Variants in DNMT1 observed in about 807,000 individuals in gnomAD.
The protein encoded by DNMT1 is DNA (cytosine-5)-methyltransferase 1.
In DNMT1, 24 loss-of-function variants were observed where a neutral mutation model predicts 205.3. That is an observed-to-expected ratio of 0.12 (90% CI 0.08 to 0.16). The LOEUF is 0.16. Among genes scored for constraint, DNMT1 ranks in the 10% least tolerant of loss-of-function variants. The pLI is 1.00. For missense variants in DNMT1, 1,293 were observed against 2,177.7 expected, an observed-to-expected ratio of 0.59 and a Z score of 8.09; for synonymous variants, 817 against 839.8, an observed-to-expected ratio of 0.97 and a Z score of 0.47.
At chr19:10,149,137 A>G in intron 26 of DNMT1, 120 bp from the exon 27 acceptor site, 1 of 1,353,504 alleles carries the variant, frequency 7.4e-7, no homozygotes, top group Non-Finnish European at 1.0e-6. Flanking sequence ...CAGCCTGGCC[A>G]ACATGGTGAA....
chr19:10,148,062 G>A (rs1287537089), intron 27 of DNMT1, among the ~76,000 whole-genome samples: 1 of 143,282 alleles, frequency 7.0e-6, no homozygotes, highest in African/African-American at 2.6e-5. Context: ...GTTGCGGTGG[G>A]CCAAGATTGA....
chr19:10,194,407 T>G, intron 1 of DNMT1: 1 of 153,522 alleles, frequency 6.5e-6, no homozygotes. Context: ...ACACCGGAAG[T>G]GGAGGCCGAA....
chr19:10,161,028 C>T (rs1046520088), intron 13 of DNMT1, among the ~76,000 whole-genome samples: 5 of 152,040 alleles, frequency 3.3e-5, no homozygotes, highest in African/African-American at 9.7e-5. Flanking sequence ...GGCACAGGGC[C>T]GGGCGCGATG....
In DNMT1 at chr19:10,141,209, A is replaced by C; in HGVS notation, c.3310-20T>G. On this transcript the variant is annotated intron_variant, in intron 30 of 40. Coordinates refer to ENST00000359526, the MANE Select transcript of DNMT1 (RefSeq NM_001130823.3). ...ATAGGCCTGAAAAGGAGAGAACTGC[A>C]ATCGTTTGGGAGAGAAACGCACTGT... The C allele has an allele frequency of 6.2e-7, 1 of 1,613,250 alleles. No individual in the cohort carries two copies. The highest frequency in any genetic ancestry group is 1.1e-5 in the South Asian group (1 of 91,058).
At chr19:10,162,636 AAAAAG>A (rs749752946) in intron 13 of DNMT1, 26 bp downstream of exon 13, 13 of 1,572,256 alleles carry the variant, frequency 8.3e-6, no homozygotes, top group African/African-American at 4.1e-5. Context: ...AAAAAAAAAA[AAAAAG>A]AAAGAAAGAA....
chr19:10,176,280 G>T (rs2038937165), intron 6 of DNMT1, among the ~76,000 whole-genome samples: 1 of 152,190 alleles, frequency 6.6e-6, no homozygotes, highest in Non-Finnish European at 1.5e-5. Context: ...ACACCACAAG[G>T]ATGCAATCGG....
chr19:10,148,476 A>G (rs1330454460), intron 27 of DNMT1, among the ~76,000 whole-genome samples: 2 of 150,500 alleles, frequency 1.3e-5, no homozygotes, highest in African/African-American at 2.4e-5. Flanking sequence ...AGCCTGGGCA[A>G]CAGAGCGAGA....
chr19:10,138,029 CA>C lies in DNMT1; in HGVS notation c.4116-21del. 2 of 1,605,528 alleles carry C rather than the reference CA, an allele frequency of 1.2e-6. No homozygotes were observed. The highest frequency in any genetic ancestry group is 1.7e-6 in the Non-Finnish European group (2 of 1,176,238). ...CTCAACCTGCAACAGAGGAGGAGGT[CA>C]ACACCTCTGGAGATGCACGCAGCAG... On this transcript the variant is annotated intron_variant, in intron 35 of 40. Transcript: ENST00000359526. This position sits in a 1 kb window ranked among gnomAD's most constrained non-coding sequence, Gnocchi z 4.1.
At chr19:10,135,563 C>T (rs1213049000) in intron 39 of DNMT1, 173 bp downstream of exon 39, 9 of 689,396 alleles carry the variant, frequency 1.3e-5, no homozygotes, top group Middle Eastern at 7.7e-4. Flanking sequence ...CAGCCTGACT[C>T]GGATGTCTCA....
chr19:10,194,827 G>A lies in DNMT1; in HGVS notation c.73C>T (p.Arg25Cys), dbSNP rs1206120198. The change falls in exon 1 of 41, where the codon CGC becomes TGC. Residue 25 changes from arginine to cysteine, a missense_variant. Around this residue, in one of 13 missense-constraint regions of DNMT1, gnomAD observed 394 missense variants for 451.6 expected, o/e 0.87. Coordinates refer to ENST00000359526, the MANE Select transcript of DNMT1 (RefSeq NM_001130823.3). ...VPAISLPDDV[R>C]RRLKDLERDS... The stretch of plus-strand genomic sequence containing the variant: ...CCCCCCCATGGTACCTACCGCCTGC[G>A]GACATCGTCGGGCAGCGAGATGGCC... The A allele has an allele frequency of 1.9e-6, 3 of 1,611,714 alleles. No homozygotes were observed. The highest frequency in any genetic ancestry group is 2.5e-6 in the Non-Finnish European group (3 of 1,179,238).
chr19:10,182,909 G>A (rs1056628323), intron 1 of DNMT1, among the ~76,000 whole-genome samples: 2 of 151,006 alleles, frequency 1.3e-5, no homozygotes, highest in East Asian at 2.0e-4. Context: ...CAAGTGATCC[G>A]CCTGCCTCAG....
At chr19:10,180,040 G>A (rs1284456453) in intron 5 of DNMT1, 147 bp downstream of exon 5, 19 of 374,988 alleles carry the variant, frequency 5.1e-5, no homozygotes, top group East Asian at 2.9e-4. Flanking sequence ...AGGGCCAGGC[G>A]TGGTGGCTTA....
In DNMT1 at chr19:10,151,585, G is replaced by GT; in HGVS notation, c.2118-41dup. ...GTTATACCTAAGGCCCCTTTTCTAA[G>GT]TAAGACCAACCGGGGCTGTTTTCTT... On this transcript the variant is annotated intron_variant, in intron 23 of 40. Transcript: ENST00000359526. The surrounding 1 kb of genome is among the most constrained non-coding windows in gnomAD (Gnocchi z 5.0). 6.2e-7 allele frequency: 1 copy of GT among 1,612,496 alleles called. No individual in the cohort carries two copies.
At position 10,190,982 on chromosome 19, in the gene DNMT1, G is replaced by A. The variant is rs571819276; in HGVS notation, c.80+3838C>T. 8.0e-5 allele frequency among the ~76,000 whole-genome samples: 12 copies of A among 150,574 alleles called. No individual in the cohort carries two copies. In the South Asian group the frequency reaches 1.5e-3, roughly 18 times the overall value. ...ACAAAAATTACCTGGGCTTGGTGGC[G>A]GGCGCCTGTAATCCCAGCTACTTGG... On this transcript the variant is annotated intron_variant, in intron 1 of 40. Coordinates refer to ENST00000359526, the MANE Select transcript of DNMT1 (RefSeq NM_001130823.3).
Position 10,137,351 on chromosome 19 carries a change from GCTGGGAACAC to G in DNMT1, c.4294-81_4294-72del. On this transcript the variant is annotated intron_variant, in intron 36 of 40. Transcript: ENST00000359526. The surrounding 1 kb of genome is among the most constrained non-coding windows in gnomAD (Gnocchi z 6.4). ...TCCGAGCATCCATGGTGGGCTGGGA[GCTGGGAACAC>G]CATGGTGACCAGGAAGCCCCCTGGG... 6.6e-7 allele frequency: 1 copy of G among 1,526,242 alleles called. No individual in the cohort carries two copies. Among genetic ancestry groups the G allele is most frequent in the South Asian group, 1.2e-5 (1 of 83,706 alleles). 94.5% of individuals were successfully genotyped at this position (1,526,242 alleles called of 1,614,324 possible). A position where few individuals can be genotyped will look rare whatever the true frequency, so the allele number is the denominator to read the frequency against.
intron 10 of DNMT1, among the ~76,000 whole-genome samples, chr19:10,167,071 CAG>C (rs567349080): frequency 6.6e-6 from 1 of 152,306 alleles, no homozygotes; most frequent in African/African-American, 2.4e-5. Flanking sequence ...TGACTGCACA[CAG>C]GGGTCCGAGT....
chr19:10,172,640 A>T (rs1008669120), intron 9 of DNMT1, among the ~76,000 whole-genome samples: 12 of 151,948 alleles, frequency 7.9e-5, no homozygotes, highest in Admixed American at 3.9e-4. Flanking sequence ...CCTGGCCAAC[A>T]CAGTGAAACC....
intron 9 of DNMT1, among the ~76,000 whole-genome samples, chr19:10,172,454 G>C (rs373632949): frequency 3.4e-5 from 5 of 149,098 alleles, no homozygotes; most frequent in African/African-American, 1.2e-4. Flanking sequence ...CTGAAAATTA[G>C]ATCTTCACAA....
In DNMT1 at chr19:10,152,160, CAAAAAAAAAAAAAAA is replaced by C. The variant is rs56725732; in HGVS notation, c.2020-328_2020-314del. ...GGACGACAAGAGTAAAACTCCATCT[CAAAAAAAAAAAAAAA>C]AAAAAAAAAAAAAAGGAAAAAAAAA... On this transcript the variant is annotated intron_variant, in intron 22 of 40. Coordinates refer to ENST00000359526, the MANE Select transcript of DNMT1 (RefSeq NM_001130823.3). Among the ~76,000 whole-genome samples, 19 of 14,338 alleles carry C rather than the reference CAAAAAAAAAAAAAAA, an allele frequency of 1.3e-3. 1 individual carries two copies. The highest frequency in any genetic ancestry group is 9.0e-4 in the African/African-American group (2 of 2,218). 9.4% of individuals were successfully genotyped at this position (14,338 alleles called of 152,430 possible).
Sources: allele counts gnomAD v4.1 joint callset (sites outside exome capture counted in the v4.1 genomes callset), GRCh38; gene constraint gnomAD v4.1.1; regional missense constraint gnomAD v4.1.1; non-coding constraint Gnocchi (gnomAD v3.1); transcripts MANE v1.5; gene names NCBI Gene and HGNC (gene_info 2026-07-23, HGNC 2026-07-21).